CPED1: variants seen among roughly 807,000 people sequenced by gnomAD.
CPED1 encodes the protein cadherin-like and PC-esterase domain-containing protein 1.
A neutral mutation model predicts 128.2 loss-of-function variants in CPED1; 114 were observed. That is an observed-to-expected ratio of 0.89 (90% CI 0.76 to 1.04). CPED1 has a LOEUF of 1.04. Among genes scored for constraint, CPED1 ranks in the 50% least tolerant of loss-of-function variants. CPED1 has a pLI of 0.00. For missense variants in CPED1, 1,211 were observed against 1,207.1 expected, an observed-to-expected ratio of 1.00 and a Z score of -0.05; for synonymous variants, 462 against 426.7, an observed-to-expected ratio of 1.08 and a Z score of -1.02.
rs370002857 is a variant in CPED1, at chr7:121,244,343, G to A, written c.2310+5G>A. On this transcript the variant is annotated splice_donor_5th_base_variant and intron_variant, in intron 18 of 22. Transcript: ENST00000310396. ...CAGTGCCTGGGAGGAAGGAAGGTAGGTTCTGGATCTAGTGGGGGAAGCCTT... is the reference window on the plus strand; with the variant it reads ...CAGTGCCTGGGAGGAAGGAAGGTAGATTCTGGATCTAGTGGGGGAAGCCTT... 3 of 1,614,032 alleles carry A rather than the reference G, an allele frequency of 1.9e-6. No homozygotes were observed. Among genetic ancestry groups the A allele is most frequent in the Non-Finnish European group, 2.5e-6 (3 of 1,179,968 alleles).
chr7:121,133,784 A>C, intron 12 of CPED1, 39 bp from the exon 13 acceptor site: 1 of 1,388,828 alleles, frequency 7.2e-7, no homozygotes, highest in Non-Finnish European at 1.0e-6. Context: ...CGTTTTGTTC[A>C]TTTCATTAAT....
intron 3 of CPED1, among the ~76,000 whole-genome samples, chr7:121,042,712 A>G (rs1793088029): frequency 6.6e-6 from 1 of 152,222 alleles, no homozygotes; most frequent in Non-Finnish European, 1.5e-5. Flanking sequence ...ATCATATCAA[A>G]TAGATTGTTG....
chr7:121,106,314 T>G (rs761639404), intron 7 of CPED1, among the ~76,000 whole-genome samples: 3 of 152,054 alleles, frequency 2.0e-5, no homozygotes, highest in Non-Finnish European at 4.4e-5. Context: ...TATAGGTAGA[T>G]GCTATATAAT....
chr7:121,294,806 C>CAAAAAAAAAAAAAAAAAAAAAAAAAA (rs752742828), intron 22 of CPED1, among the ~76,000 whole-genome samples: 25 of 61,384 alleles, frequency 4.1e-4, no homozygotes, highest in South Asian at 1.1e-3. Context: ...GCCTTCTAAG[C>CAAAAAAAAAAAAAAAAAAAAAAAAAA]AAAAAAAAAA....
At chr7:121,256,100 G>A (rs1392515639) in intron 18 of CPED1, among the ~76,000 whole-genome samples, 5 of 63,938 alleles carry the variant, frequency 7.8e-5, no homozygotes, top group African/African-American at 1.2e-4. Context: ...AATAGTTAAA[G>A]CAATCCTAAG....
chr7:121,063,919 T>C (rs1019620774), intron 4 of CPED1, among the ~76,000 whole-genome samples: 1 of 152,178 alleles, frequency 6.6e-6, no homozygotes, highest in Non-Finnish European at 1.5e-5. Flanking sequence ...TATCAAGTTA[T>C]TTATGTTACT....
chr7:121,173,542 G>T (rs1796704062), intron 16 of CPED1, among the ~76,000 whole-genome samples: 1 of 152,034 alleles, frequency 6.6e-6, no homozygotes, highest in East Asian at 1.9e-4. Flanking sequence ...ACAGCTCCAT[G>T]CATGTTCCTA....
At chr7:121,156,802 A>T (rs2037630) in intron 16 of CPED1, among the ~76,000 whole-genome samples, 15,523 of 152,164 alleles carry the variant, frequency 0.1, 816 homozygotes, top group South Asian at 0.17. Flanking sequence ...AAATAAAAAA[A>T]TTAAAAAATA....
chr7:121,155,405 A>G (rs1796262590), intron 16 of CPED1, among the ~76,000 whole-genome samples: 1 of 152,224 alleles, frequency 6.6e-6, no homozygotes, highest in Non-Finnish European at 1.5e-5. Flanking sequence ...TAGCCAAAGC[A>G]ATACTTGGTA....
chr7:121,061,454 AATG>A (rs1439850877), intron 4 of CPED1, among the ~76,000 whole-genome samples: 3 of 152,218 alleles, frequency 2.0e-5, no homozygotes, highest in Non-Finnish European at 2.9e-5. Context: ...AATGATAAAA[AATG>A]ATAATTCGGA....
chr7:121,158,345 A>G (rs1796338328), intron 16 of CPED1, among the ~76,000 whole-genome samples: 2 of 152,152 alleles, frequency 1.3e-5, no homozygotes, highest in African/African-American at 4.8e-5. Context: ...TTCCCATGCT[A>G]AGTCCATCTG....
intron 3 of CPED1, among the ~76,000 whole-genome samples, chr7:121,019,740 T>C (rs779884421): frequency 1.3e-5 from 2 of 152,012 alleles, no homozygotes; most frequent in Non-Finnish European, 2.9e-5. Context: ...ATATGCACTA[T>C]TATGGTTCTC....
At position 121,068,495 on chromosome 7, in the gene CPED1, C is replaced by A. The variant is rs1585050695; in HGVS notation, c.616+4182C>A. Reference sequence around the variant, plus strand: ...CTATATCTCTGTTTTGGTACCAGTACCATGCTGTTTTGGTTACTGTAGCCT... The same window carrying A: ...CTATATCTCTGTTTTGGTACCAGTAACATGCTGTTTTGGTTACTGTAGCCT... On this transcript the variant is annotated intron_variant, in intron 5 of 22. Transcript: ENST00000310396. Among the ~76,000 whole-genome samples, 13 of 151,950 alleles carry A rather than the reference C, an allele frequency of 8.6e-5. No homozygotes were observed. In the South Asian group the frequency reaches 2.7e-3, roughly 32 times the overall value.
intron 18 of CPED1, among the ~76,000 whole-genome samples, chr7:121,260,082 G>T (rs1430067224): frequency 6.6e-6 from 1 of 151,544 alleles, no homozygotes; most frequent in Non-Finnish European, 1.5e-5. Context: ...ACCAGGAAAT[G>T]ATGACTTACA....
chr7:121,100,131 A>G, intron 7 of CPED1, 37 bp downstream of exon 7: 1 of 1,596,128 alleles, frequency 6.3e-7, no homozygotes, highest in Non-Finnish European at 8.6e-7. Context: ...TCACGTAAGT[A>G]CACTGAAGTA....
chr7:121,273,679 C>T (rs927206996), intron 22 of CPED1, among the ~76,000 whole-genome samples: 11 of 152,090 alleles, frequency 7.2e-5, no homozygotes, highest in African/African-American at 2.7e-4. Flanking sequence ...TGAAAGCCTG[C>T]AGCCACAGTA....
chr7:121,184,067 G>A (rs1452562940), intron 16 of CPED1, among the ~76,000 whole-genome samples: 1 of 151,968 alleles, frequency 6.6e-6, no homozygotes, highest in Non-Finnish European at 1.5e-5. Context: ...TTGAACCCAG[G>A]GGACGGAGGT....
At chr7:121,103,172 T>C (rs1290915884) in intron 7 of CPED1, among the ~76,000 whole-genome samples, 1 of 152,176 alleles carries the variant, frequency 6.6e-6, no homozygotes, top group African/African-American at 2.4e-5. Context: ...TCCTTTCTTA[T>C]TCATATTTTT....
At chr7:121,064,831 T>A (rs1451151094) in intron 5 of CPED1, among the ~76,000 whole-genome samples, 1 of 152,130 alleles carries the variant, frequency 6.6e-6, no homozygotes, top group Non-Finnish European at 1.5e-5. Context: ...CCTCATAGGT[T>A]CCCAGAGTGG....
Sources: gnomAD v4.1 joint callset for allele counts (sites outside exome capture counted in the v4.1 genomes callset) on GRCh38, gnomAD v4.1.1 for gene constraint, MANE v1.5 for transcripts, NCBI Gene and HGNC (gene_info 2026-07-23, HGNC 2026-07-21) for gene names.